The following MEF2C variants were observed in gnomAD, a reference collection of about 807,000 sequenced individuals.
The protein encoded by MEF2C is myocyte enhancer factor 2C, also known as myocyte-specific enhancer factor 2C.
MEF2C carries 6 observed loss-of-function variants against 50.5 expected under a neutral mutation model. The observed-to-expected ratio is 0.12, with a 90% confidence interval of 0.07 to 0.23. The LOEUF (loss-of-function observed/expected upper bound fraction) is 0.23, where lower values mean the gene tolerates loss of function less well. Ranked by LOEUF, MEF2C falls within the 10% of genes least tolerant of loss-of-function variation. MEF2C has a pLI of 1.00. For synonymous variants in MEF2C, 183 were observed against 228.0 expected, an observed-to-expected ratio of 0.80 and a Z score of 1.78; for missense variants, 276 against 605.0, an observed-to-expected ratio of 0.46 and a Z score of 5.70.
chr5:88,734,468 T>A, intron 6 of MEF2C: 1 of 982,762 alleles, frequency 1.0e-6, no homozygotes, highest in Non-Finnish European at 1.2e-6. Flanking sequence ...TAAAAGGAAG[T>A]AAAACCGCTT....
At chr5:88,777,879 G>C (rs1242678181) in intron 3 of MEF2C, among the ~76,000 whole-genome samples, 1 of 150,028 alleles carries the variant, frequency 6.7e-6, no homozygotes, top group Non-Finnish European at 1.5e-5. Flanking sequence ...GGAAAAGAAA[G>C]GGTGCTAAAT....
chr5:88,781,520 AC>A lies in MEF2C; in HGVS notation c.259-20193del, dbSNP rs536810550. On this transcript the variant is annotated intron_variant, in intron 3 of 10. Coordinates refer to ENST00000504921, the MANE Select transcript of MEF2C (RefSeq NM_002397.5). Reference sequence around the variant, plus strand: ...AAGTGGCAGAAACCAGGTTTGTCTGACGCTAAAATGTGTGTCTGTCCCTCCT... The same window carrying A: ...AAGTGGCAGAAACCAGGTTTGTCTGAGCTAAAATGTGTGTCTGTCCCTCCT... Among the ~76,000 whole-genome samples, 522 of 152,342 alleles carry A rather than the reference AC, an allele frequency of 3.4e-3. 1 individual carries two copies. The highest frequency in any genetic ancestry group is 8.9e-3 in the African/African-American group (369 of 41,568).
At chr5:88,799,870 T>TCATACACACACACACA (rs70996496) in intron 3 of MEF2C, among the ~76,000 whole-genome samples, 5 of 107,414 alleles carry the variant, frequency 4.7e-5, no homozygotes, top group African/African-American at 1.6e-4. Context: ...TCTCTCTCTC[T>TCATACACACACACACA]CACACACACA....
chr5:88,858,334 C>A (rs1824227575), intron 1 of MEF2C, among the ~76,000 whole-genome samples: 1 of 152,076 alleles, frequency 6.6e-6, no homozygotes, highest in Admixed American at 6.6e-5. Context: ...AGGTACTTTT[C>A]CAGTCATTTC....
Position 88,835,465 on chromosome 5 carries a change from G to T in MEF2C, c.-142-11535C>A, listed in dbSNP as rs192390241. On this transcript the variant is annotated intron_variant, in intron 1 of 10. Coordinates refer to ENST00000504921, the MANE Select transcript of MEF2C (RefSeq NM_002397.5). ...AGCCCAACAGATTAATTTCCAACTT[G>T]GAATGAATAGACAAATTGAATTATC... 8.5e-5 allele frequency among the ~76,000 whole-genome samples: 13 copies of T among 152,072 alleles called. No individual in the cohort carries two copies. The East Asian group carries it at 2.3e-3, about 27-fold the overall frequency.
At chr5:88,824,209 T>G in intron 1 of MEF2C, 1 of 972,272 alleles carries the variant, frequency 1.0e-6, no homozygotes, top group Non-Finnish European at 1.2e-6. Flanking sequence ...AATGTATTTT[T>G]TTTTGTAAAA....
chr5:88,733,511 C>G, intron 6 of MEF2C: 5 of 985,298 alleles, frequency 5.1e-6, no homozygotes, highest in Non-Finnish European at 6.0e-6. Context: ...TAGTGTGGAC[C>G]AGTCTGGAGA....
chr5:88,797,223 G>C (rs1307800991), intron 3 of MEF2C, among the ~76,000 whole-genome samples: 1 of 151,924 alleles, frequency 6.6e-6, no homozygotes, highest in Non-Finnish European at 1.5e-5. Flanking sequence ...TTGACAGTGG[G>C]GTGTTAAAGT....
intron 1 of MEF2C, among the ~76,000 whole-genome samples, chr5:88,863,310 C>T (rs1288754743): frequency 6.6e-6 from 1 of 152,194 alleles, no homozygotes; most frequent in Non-Finnish European, 1.5e-5. Context: ...TTTTGTATCC[C>T]TAATGAAACA....
rs548282689 is a variant in MEF2C, at chr5:88,795,271, C to G, written c.258+9327G>C. Among the ~76,000 whole-genome samples the G allele has an allele frequency of 4.6e-5, 7 of 152,180 alleles. No individual in the cohort carries two copies. In the South Asian group the frequency reaches 1.5e-3, roughly 32 times the overall value. ...TTTCACGATATAGATTCTTCCTATC[C>G]GTGAGCATGGAGTGTTTTTCCGTTT... On this transcript the variant is annotated intron_variant, in intron 3 of 10. Coordinates refer to ENST00000504921, the MANE Select transcript of MEF2C (RefSeq NM_002397.5).
At chr5:88,748,875 AAT>A (rs1771241989) in intron 6 of MEF2C, 193 bp downstream of exon 6, 1 of 985,138 alleles carries the variant, frequency 1.0e-6, no homozygotes, top group African/African-American at 1.7e-5. Flanking sequence ...GGTTCTAGTT[AAT>A]AAATAGTTTT....
At chr5:88,858,667 C>A (rs1286633307) in intron 1 of MEF2C, among the ~76,000 whole-genome samples, 1 of 152,168 alleles carries the variant, frequency 6.6e-6, no homozygotes, top group East Asian at 1.9e-4. Flanking sequence ...GTTTCCTAAT[C>A]CTGGATCAGT....
chr5:88,886,640 G>A (rs1834075295), upstream of MEF2C, among the ~76,000 whole-genome samples: 1 of 152,156 alleles, frequency 6.6e-6, no homozygotes, highest in Non-Finnish European at 1.5e-5. Context: ...AATTATGTCT[G>A]GGATTGATGT....
intron 1 of MEF2C, among the ~76,000 whole-genome samples, chr5:88,890,461 G>T (rs1263700014): frequency 1.3e-5 from 2 of 152,118 alleles, no homozygotes; most frequent in African/African-American, 4.8e-5. Flanking sequence ...TACCAAGATG[G>T]TAGCTATTTA....
intron 1 of MEF2C, among the ~76,000 whole-genome samples, chr5:88,891,845 G>C (rs967360051): frequency 6.6e-6 from 1 of 151,978 alleles, no homozygotes; most frequent in Non-Finnish European, 1.5e-5. Context: ...GGTTTGTTTT[G>C]TTTTTAATGC....
intron 2 of MEF2C, among the ~76,000 whole-genome samples, chr5:88,820,200 T>C (rs940940615): frequency 6.6e-6 from 1 of 152,010 alleles, no homozygotes; most frequent in Admixed American, 6.6e-5. Flanking sequence ...AAGAAATCCA[T>C]GTTGTCTAAG....
At chr5:88,727,874 G>A (rs1210089716) in intron 10 of MEF2C, among the ~76,000 whole-genome samples, 1 of 151,908 alleles carries the variant, frequency 6.6e-6, no homozygotes, top group East Asian at 1.9e-4. Flanking sequence ...TCATTTCTAT[G>A]ATAAAGACAT....
chr5:88,850,615 A>T (rs1003953395), intron 1 of MEF2C, among the ~76,000 whole-genome samples: 1 of 152,112 alleles, frequency 6.6e-6, no homozygotes, highest in African/African-American at 2.4e-5. Flanking sequence ...CTTCACTTCA[A>T]CATGGAGCAG....
chr5:88,860,061 G>A (rs925568094), intron 1 of MEF2C, among the ~76,000 whole-genome samples: 10 of 152,108 alleles, frequency 6.6e-5, no homozygotes, highest in Non-Finnish European at 1.3e-4. Context: ...ACATTTTTAT[G>A]GCCAATTCAG....
Sources: gnomAD v4.1 joint callset for allele counts (sites outside exome capture counted in the v4.1 genomes callset) on GRCh38, gnomAD v4.1.1 for gene constraint, MANE v1.5 for transcripts, NCBI Gene and HGNC (gene_info 2026-07-23, HGNC 2026-07-21) for gene names.